RNF217: variants seen among roughly 807,000 people sequenced by gnomAD.
RNF217 encodes E3 ubiquitin-protein ligase RNF217.
In RNF217, 31 loss-of-function variants were observed where a neutral mutation model predicts 57.8. That is an observed-to-expected ratio of 0.54 (90% CI 0.40 to 0.72). The LOEUF (loss-of-function observed/expected upper bound fraction) is 0.72, where lower values mean the gene tolerates loss of function less well. Among genes scored for constraint, RNF217 ranks in the 30% least tolerant of loss-of-function variants. The probability of loss-of-function intolerance (pLI) is 0.00; values close to 1 mark genes in which losing one functional copy is unlikely to be tolerated. For synonymous variants in RNF217, 313 were observed against 294.0 expected (o/e 1.06, Z -0.66); for missense variants, 696 against 708.3 (o/e 0.98, Z 0.20).
intron 1 of RNF217, among the ~76,000 whole-genome samples, chr6:125,036,676 G>GA (rs776745482): frequency 1.3e-4 from 19 of 151,198 alleles, no homozygotes; most frequent in Non-Finnish European, 5.9e-5. Flanking sequence ...ATATTTACAA[G>GA]AAAAAAAACA....
chr6:125,050,584 G>A (rs887627043), intron 2 of RNF217, among the ~76,000 whole-genome samples: 1 of 151,904 alleles, frequency 6.6e-6, no homozygotes, highest in Non-Finnish European at 1.5e-5. Flanking sequence ...ATCGGTTGTT[G>A]CGAACTGGTG....
chr6:125,006,820 G>A (rs532303048), intron 1 of RNF217, among the ~76,000 whole-genome samples: 4 of 152,198 alleles, frequency 2.6e-5, no homozygotes, highest in South Asian at 2.1e-4. Flanking sequence ...GTGGTGGTGC[G>A]TGCCTGTAAT....
intron 1 of RNF217, among the ~76,000 whole-genome samples, chr6:125,004,033 A>G (rs1785081249): frequency 6.8e-6 from 1 of 148,002 alleles, no homozygotes; most frequent in Non-Finnish European, 1.5e-5. Context: ...AGACTTTTTA[A>G]TTCTAATCTT....
intron 5 of RNF217, chr6:125,082,527 T>G (rs1382126708): frequency 1.2e-6 from 2 of 1,612,712 alleles, no homozygotes; most frequent in South Asian, 2.2e-5. Flanking sequence ...CCACAGCCTG[T>G]GTTGTTAAGT....
intron 1 of RNF217, among the ~76,000 whole-genome samples, chr6:125,034,244 G>T (rs1786499390): frequency 6.6e-6 from 1 of 152,200 alleles, no homozygotes; most frequent in South Asian, 2.1e-4. Flanking sequence ...CATTGCTTTT[G>T]GTGTTTTAGA....
chr6:125,003,821 TTCTTATATGCTATG>T (rs1457248870), intron 1 of RNF217, among the ~76,000 whole-genome samples: 1 of 152,132 alleles, frequency 6.6e-6, no homozygotes, highest in African/African-American at 2.4e-5. Flanking sequence ...AGCTCATAGC[TTCTTATATGCTATG>T]TCTTGTAGTC....
At chr6:125,051,533 T>C (rs1787318153) in intron 2 of RNF217, among the ~76,000 whole-genome samples, 1 of 152,054 alleles carries the variant, frequency 6.6e-6, no homozygotes, top group African/African-American at 2.4e-5. Context: ...GGATCCCCTC[T>C]ACAATATGCC....
At chr6:125,025,536 T>C (rs1380271401) in intron 1 of RNF217, among the ~76,000 whole-genome samples, 1 of 135,274 alleles carries the variant, frequency 7.4e-6, no homozygotes, top group Non-Finnish European at 1.5e-5. Flanking sequence ...GAGGAAGGGA[T>C]ATTTCCAAAG....
At chr6:125,048,273 AT>A in intron 2 of RNF217, 1 of 1,329,054 alleles carries the variant, frequency 7.5e-7, no homozygotes, top group Non-Finnish European at 1.0e-6. Flanking sequence ...AACATTTTTT[AT>A]TTTGCAGTAT....
intron 1 of RNF217, among the ~76,000 whole-genome samples, chr6:125,019,299 T>C (rs771834606): frequency 5.9e-5 from 9 of 152,188 alleles, no homozygotes; most frequent in Non-Finnish European, 1.2e-4. Flanking sequence ...AATATACTTA[T>C]GCTCCTACAT....
chr6:125,065,835 G>C (rs1034321331), intron 3 of RNF217, among the ~76,000 whole-genome samples: 1 of 152,160 alleles, frequency 6.6e-6, no homozygotes, highest in Non-Finnish European at 1.5e-5. Context: ...TCAGTCGGTA[G>C]GCAAATCGTA....
chr6:125,000,842 T>C (rs1490364529), intron 1 of RNF217, among the ~76,000 whole-genome samples: 1 of 152,050 alleles, frequency 6.6e-6, no homozygotes, highest in Non-Finnish European at 1.5e-5. Flanking sequence ...AAAAATAAAA[T>C]AAGCTTTACT....
chr6:124,966,236 G>A (rs575129145), intron 1 of RNF217, among the ~76,000 whole-genome samples: 98 of 152,268 alleles, frequency 6.4e-4, no homozygotes, highest in African/African-American at 2.2e-3. Context: ...TTTGATCTGT[G>A]TCAATTCTAT....
chr6:125,020,066 C>T (rs1202201344), intron 1 of RNF217, among the ~76,000 whole-genome samples: 2 of 152,100 alleles, frequency 1.3e-5, no homozygotes, highest in Non-Finnish European at 2.9e-5. Flanking sequence ...GTGCTGCTGG[C>T]GTGAGTTCCC....
rs376248210 is a variant in RNF217 at position 125,082,480 on chromosome 6, A to T, written c.1556-384A>T. The T allele has an allele frequency of 6.8e-6, 11 of 1,612,218 alleles. No homozygotes were observed. The African/African-American group carries it at 1.3e-4, about 20-fold the overall frequency. ...AAATTAAGACTTACTGGAACCTCATAAGTGGTAGAACCAGGAATCAAACCC... is the reference window on the plus strand; with the variant it reads ...AAATTAAGACTTACTGGAACCTCATTAGTGGTAGAACCAGGAATCAAACCC... On this transcript the variant is annotated intron_variant, in intron 5 of 5. Transcript: ENST00000521654.
At chr6:124,965,903 A>G (rs1783520207) in intron 1 of RNF217, among the ~76,000 whole-genome samples, 1 of 152,140 alleles carries the variant, frequency 6.6e-6, no homozygotes, top group South Asian at 2.1e-4. Flanking sequence ...TTTTCACATT[A>G]TTTGTACAGG....
chr6:125,006,311 A>G (rs1196853754), intron 1 of RNF217: 3 of 152,224 alleles, frequency 2.0e-5, no homozygotes, highest in Non-Finnish European at 4.4e-5. Flanking sequence ...CCATTAAAAG[A>G]GTTGTTCAAT....
At chr6:124,979,791 A>G (rs945574287) in intron 1 of RNF217, among the ~76,000 whole-genome samples, 4 of 152,326 alleles carry the variant, frequency 2.6e-5, no homozygotes, top group African/African-American at 9.6e-5. Flanking sequence ...TGTGTGGAGA[A>G]TGAATTGTGT....
intron 5 of RNF217, among the ~76,000 whole-genome samples, chr6:125,082,270 C>A (rs1033588921): frequency 8.6e-5 from 13 of 152,028 alleles, no homozygotes; most frequent in Non-Finnish European, 1.6e-4. Flanking sequence ...CTGCTTTGAT[C>A]ATTGTTCCAT....
Sources: allele counts gnomAD v4.1 joint callset (sites outside exome capture counted in the v4.1 genomes callset), GRCh38; gene constraint gnomAD v4.1.1; transcripts MANE v1.5; gene names NCBI Gene and HGNC (gene_info 2026-07-23, HGNC 2026-07-21).